The following GFRA1 variants were observed in gnomAD, a reference collection of about 807,000 sequenced individuals.
GFRA1 encodes the protein GDNF family receptor alpha 1, also known as GDNF family receptor alpha-1.
Under a neutral mutation model 51.6 loss-of-function variants are expected in GFRA1, and 16 were observed. That is an observed-to-expected ratio of 0.31 (90% confidence interval 0.21 to 0.47). The LOEUF is 0.47. GFRA1 is among the 20% of genes least tolerant of loss of function. The pLI is 1.00. For synonymous variants in GFRA1, 270 were observed against 241.3 expected, an observed-to-expected ratio of 1.12 and a Z score of -1.10; for missense variants, 530 against 594.3, an observed-to-expected ratio of 0.89 and a Z score of 1.13.
At chr10:116,101,816 T>C (rs1008394943) in intron 6 of GFRA1, among the ~76,000 whole-genome samples, 3 of 152,194 alleles carry the variant, frequency 2.0e-5, no homozygotes, top group African/African-American at 7.2e-5. Context: ...AGATGTTGAA[T>C]GGGATCCAGG....
chr10:116,188,264 G>T (rs1182451489), intron 5 of GFRA1, among the ~76,000 whole-genome samples: 1 of 152,162 alleles, frequency 6.6e-6, no homozygotes, highest in African/African-American at 2.4e-5. Flanking sequence ...AGGGTTCGGA[G>T]GAATGAGGAC....
At chr10:116,091,560 C>G (rs746614389) in intron 8 of GFRA1, among the ~76,000 whole-genome samples, 3 of 152,230 alleles carry the variant, frequency 2.0e-5, no homozygotes, top group Non-Finnish European at 2.9e-5. Flanking sequence ...CCATTTGTCT[C>G]TTCCCCATGC....
At chr10:116,192,532 C>T (rs1411265429) in intron 5 of GFRA1, among the ~76,000 whole-genome samples, 4 of 152,174 alleles carry the variant, frequency 2.6e-5, no homozygotes, top group Non-Finnish European at 5.9e-5. Context: ...CCAAGGCAAA[C>T]ACAGAGCTCG....
intron 4 of GFRA1, among the ~76,000 whole-genome samples, chr10:116,218,406 C>G (rs1965707956): frequency 6.6e-6 from 1 of 152,184 alleles, no homozygotes; most frequent in Non-Finnish European, 1.5e-5. Flanking sequence ...TAGCGGGGTT[C>G]TATGGAGAAT....
chr10:116,126,736 C>A (rs947324581), intron 5 of GFRA1, among the ~76,000 whole-genome samples: 3 of 152,148 alleles, frequency 2.0e-5, no homozygotes, highest in African/African-American at 7.2e-5. Flanking sequence ...GATTCTATGA[C>A]CTCCTTTCAT....
intron 5 of GFRA1, among the ~76,000 whole-genome samples, chr10:116,207,629 A>T (rs1964881813): frequency 6.6e-6 from 1 of 151,766 alleles, no homozygotes; most frequent in Non-Finnish European, 1.5e-5. Flanking sequence ...TATATATATC[A>T]TATGCATGTA....
At chr10:116,198,375 C>A (rs758480828) in intron 5 of GFRA1, among the ~76,000 whole-genome samples, 3 of 152,206 alleles carry the variant, frequency 2.0e-5, no homozygotes, top group African/African-American at 7.2e-5. Flanking sequence ...CATCACGAAC[C>A]TTAATCCATC....
intron 5 of GFRA1, among the ~76,000 whole-genome samples, chr10:116,187,857 G>A (rs1474761397): frequency 6.6e-6 from 1 of 152,056 alleles, no homozygotes; most frequent in African/African-American, 2.4e-5. Flanking sequence ...GTTGACCTCT[G>A]AGGCCCCCAG....
chr10:116,235,277 T>C (rs1966854126), intron 4 of GFRA1, among the ~76,000 whole-genome samples: 1 of 152,186 alleles, frequency 6.6e-6, no homozygotes, highest in African/African-American at 2.4e-5. Flanking sequence ...CCAAAACTTA[T>C]GGTTAGCTAG....
intron 9 of GFRA1, among the ~76,000 whole-genome samples, chr10:116,073,056 G>A (rs1955473072): frequency 6.6e-6 from 1 of 152,182 alleles, no homozygotes; most frequent in South Asian, 2.1e-4. Flanking sequence ...GAACTGGCTT[G>A]TGATCATCTG....
chr10:116,195,680 T>G (rs886671618), intron 5 of GFRA1, among the ~76,000 whole-genome samples: 4 of 152,128 alleles, frequency 2.6e-5, no homozygotes, highest in African/African-American at 9.7e-5. Flanking sequence ...GGCCCAGGGA[T>G]CTCCAACTCC....
At chr10:116,172,199 C>T (rs1224784997) in intron 5 of GFRA1, among the ~76,000 whole-genome samples, 1 of 152,124 alleles carries the variant, frequency 6.6e-6, no homozygotes, top group African/African-American at 2.4e-5. Flanking sequence ...ATTAATAAAA[C>T]ATACAATTCC....
chr10:116,095,522 G>C (rs1956533739), intron 7 of GFRA1, among the ~76,000 whole-genome samples: 1 of 152,178 alleles, frequency 6.6e-6, no homozygotes, highest in Admixed American at 6.5e-5. Flanking sequence ...ATTGGCTTAA[G>C]GAAGGTACAC....
chr10:116,274,651 T>G (rs559181809), upstream of GFRA1, among the ~76,000 whole-genome samples: 3 of 152,198 alleles, frequency 2.0e-5, no homozygotes, highest in Non-Finnish European at 2.9e-5. Context: ...CCGGGGGACA[T>G]CCTACGGATC....
chr10:116,091,427 A>G (rs1956329919), intron 8 of GFRA1, among the ~76,000 whole-genome samples: 1 of 152,206 alleles, frequency 6.6e-6, no homozygotes, highest in Admixed American at 6.5e-5. Context: ...GGAGCGCCAG[A>G]GGCATTGACT....
chr10:116,161,694 C>T (rs568833920), intron 5 of GFRA1, among the ~76,000 whole-genome samples: 23 of 152,274 alleles, frequency 1.5e-4, no homozygotes, highest in African/African-American at 4.3e-4. Flanking sequence ...TCTTGCTTGC[C>T]GCCATGGAAG....
At chr10:116,273,819 T>TCAAGACTTG (rs1483280673), upstream of GFRA1, among the ~76,000 whole-genome samples, 1 of 152,110 alleles carries the variant, frequency 6.6e-6, no homozygotes, top group African/African-American at 2.4e-5. Context: ...TGGCTGTGAT[T>TCAAGACTTG]CAAGACTTGG....
chr10:116,099,182 C>T (rs1956721951), intron 6 of GFRA1, among the ~76,000 whole-genome samples: 1 of 152,220 alleles, frequency 6.6e-6, no homozygotes. Flanking sequence ...CAGCTCATCA[C>T]TGGTGAGTTG....
intron 4 of GFRA1, among the ~76,000 whole-genome samples, chr10:116,261,620 A>G (rs987538771): frequency 3.3e-5 from 5 of 152,224 alleles, no homozygotes; most frequent in Non-Finnish European, 5.9e-5. Context: ...AGTAAGGTAT[A>G]CATTGAATAA....
Sources: gnomAD v4.1 joint callset for allele counts (sites outside exome capture counted in the v4.1 genomes callset) on GRCh38, gnomAD v4.1.1 for gene constraint, MANE v1.5 for transcripts, NCBI Gene and HGNC (gene_info 2026-07-23, HGNC 2026-07-21) for gene names.